The following BCL2 variants were observed in gnomAD, a reference collection of about 807,000 sequenced individuals.
BCL2 encodes BCL2 apoptosis regulator, also known as apoptosis regulator Bcl-2.
A neutral mutation model predicts 14.2 loss-of-function variants in BCL2; 1 was observed. The observed-to-expected ratio is 0.07, with a 90% CI of 0.02 to 0.33. The LOEUF is 0.33. Among genes scored for constraint, BCL2 ranks in the 10% least tolerant of loss-of-function variants. BCL2 has a pLI of 0.99. For missense variants in BCL2, 247 were observed against 305.9 expected (o/e 0.81, Z 1.44); for synonymous variants, 151 against 137.2 (o/e 1.10, Z -0.70).
At chr18:63,296,647 G>A (rs567292052) in intron 2 of BCL2, among the ~76,000 whole-genome samples, 1 of 152,232 alleles carries the variant, frequency 6.6e-6, no homozygotes, top group Non-Finnish European at 1.5e-5. Context: ...CTTAGGGCAG[G>A]CTGGCAACAG....
At chr18:63,150,792 C>T (rs1375536211) in intron 2 of BCL2, among the ~76,000 whole-genome samples, 1 of 152,036 alleles carries the variant, frequency 6.6e-6, no homozygotes, top group Non-Finnish European at 1.5e-5. Context: ...GAAAAATGTC[C>T]AGAAATATTG....
intron 2 of BCL2, among the ~76,000 whole-genome samples, chr18:63,255,675 A>G (rs1911451793): frequency 6.6e-6 from 1 of 152,084 alleles, no homozygotes; most frequent in South Asian, 2.1e-4. Context: ...TCTGTCTTGA[A>G]TTTCCCCTGT....
intron 2 of BCL2, among the ~76,000 whole-genome samples, chr18:63,165,816 G>C (rs1915030811): frequency 6.6e-6 from 1 of 152,196 alleles, no homozygotes; most frequent in South Asian, 2.1e-4. Context: ...TGGAATCTAA[G>C]CCCGAGGGGA....
intron 2 of BCL2, among the ~76,000 whole-genome samples, chr18:63,306,014 G>A (rs1913119167): frequency 6.6e-6 from 1 of 152,182 alleles, no homozygotes. Flanking sequence ...GTTCGAGGCA[G>A]CAGTGAACCG....
At position 63,124,359 on chromosome 18, in the gene BCL2, C is replaced by T. The variant is rs1396363878; in HGVS notation, c.*4266G>A. 1 of 230,826 alleles carries T rather than the reference C, an allele frequency of 4.3e-6. No homozygotes were observed. Among genetic ancestry groups the T allele is most frequent in the Non-Finnish European group, 8.6e-6 (1 of 116,550 alleles). 14.3% of individuals were successfully genotyped at this position (230,826 alleles called of 1,614,324 possible). A position where few individuals can be genotyped will look rare whatever the true frequency, so the allele number is the denominator to read the frequency against. On this transcript the variant is annotated 3_prime_UTR_variant, in exon 3 of 3. Coordinates refer to ENST00000333681, the MANE Select transcript of BCL2 (RefSeq NM_000633.3). Reference sequence around the variant, plus strand: ...TTAAATACCCATTAGACATATCCAGCTTGAAATTTATACCATTGCACTGCC... The same window carrying T: ...TTAAATACCCATTAGACATATCCAGTTTGAAATTTATACCATTGCACTGCC...
intron 2 of BCL2, among the ~76,000 whole-genome samples, chr18:63,286,216 C>T (rs1912469616): frequency 1.3e-5 from 2 of 152,212 alleles, no homozygotes; most frequent in Admixed American, 1.3e-4. Flanking sequence ...CTTAACACTT[C>T]CTTCACTAGG....
intron 2 of BCL2, among the ~76,000 whole-genome samples, chr18:63,138,817 G>A (rs1914278763): frequency 6.6e-6 from 1 of 152,264 alleles, no homozygotes. Context: ...TACCACAGTT[G>A]GTCCAGGGAA....
intron 2 of BCL2, among the ~76,000 whole-genome samples, chr18:63,158,596 A>G (rs4940571): frequency 0.11 from 16,503 of 152,130 alleles, 1,555 homozygotes; most frequent in East Asian, 0.45. Flanking sequence ...GCCTGTTCCA[A>G]CCCCAGAATC....
At chr18:63,246,195 A>G (rs1031431299) in intron 2 of BCL2, among the ~76,000 whole-genome samples, 17 of 152,202 alleles carry the variant, frequency 1.1e-4, no homozygotes, top group African/African-American at 3.6e-4. Flanking sequence ...CCCAAGTGGC[A>G]AACATATACA....
intron 2 of BCL2, among the ~76,000 whole-genome samples, chr18:63,303,082 C>A (rs2144287829): frequency 6.6e-6 from 1 of 152,262 alleles, no homozygotes; most frequent in South Asian, 2.1e-4. Context: ...ACACTAAGGT[C>A]ATGCCTAAAA....
At chr18:63,259,633 C>T (rs1911595500) in intron 2 of BCL2, among the ~76,000 whole-genome samples, 1 of 152,236 alleles carries the variant, frequency 6.6e-6, no homozygotes, top group African/African-American at 2.4e-5. Flanking sequence ...TTCCAGCCAT[C>T]CCAGTGGTTA....
chr18:63,162,858 T>C (rs1017626630), intron 2 of BCL2, among the ~76,000 whole-genome samples: 1 of 151,578 alleles, frequency 6.6e-6, no homozygotes, highest in Non-Finnish European at 1.5e-5. Context: ...CTTCCTTCCC[T>C]CCTTCCTTCC....
intron 2 of BCL2, among the ~76,000 whole-genome samples, chr18:63,261,716 CTGAA>C (rs767012193): frequency 6.6e-6 from 1 of 152,038 alleles, no homozygotes; most frequent in East Asian, 1.9e-4. Context: ...TCTTAAAAAA[CTGAA>C]TTTGTATAAT....
chr18:63,316,816 T>C (rs1454248083), intron 2 of BCL2: 1 of 152,202 alleles, frequency 6.6e-6, no homozygotes, highest in African/African-American at 2.4e-5. Context: ...CTAGGCTTTT[T>C]GCTCCTGTTA....
At chr18:63,308,674 GA>G (rs1305871019) in intron 2 of BCL2, among the ~76,000 whole-genome samples, 1 of 152,086 alleles carries the variant, frequency 6.6e-6, no homozygotes, top group East Asian at 1.9e-4. Context: ...TGAAAAGGAT[GA>G]AATCAAAACA....
chr18:63,242,972 C>A (rs1911049782), intron 2 of BCL2, among the ~76,000 whole-genome samples: 1 of 152,198 alleles, frequency 6.6e-6, no homozygotes, highest in Non-Finnish European at 1.5e-5. Context: ...AATTCCTACA[C>A]CTCAGTTACG....
At chr18:63,306,355 A>C (rs934456936) in intron 2 of BCL2, among the ~76,000 whole-genome samples, 1 of 152,130 alleles carries the variant, frequency 6.6e-6, no homozygotes, top group Admixed American at 6.5e-5. Flanking sequence ...AGAGCCTTCT[A>C]TCTGGTCACT....
intron 2 of BCL2, among the ~76,000 whole-genome samples, chr18:63,284,013 G>A (rs1214194741): frequency 6.6e-5 from 10 of 152,128 alleles, no homozygotes; most frequent in Admixed American, 5.9e-4. Context: ...ATCAAAATCC[G>A]GCTTTTGTCA....
In BCL2 at chr18:63,318,731, C is replaced by T; in HGVS notation, c.-65G>A. On this transcript the variant is annotated 5_prime_UTR_variant, in exon 2 of 3. Transcript: ENST00000333681. The surrounding 1 kb of genome is among the most constrained non-coding windows in gnomAD (Gnocchi z 7.4). ...TCGCCCCAGCTCCCACCCCACGGCC[C>T]CCAGAGAAAGAAGAGGAGTTATAAT... 6.2e-7 allele frequency: 1 copy of T among 1,603,712 alleles called. No individual in the cohort carries two copies. Among genetic ancestry groups the T allele is most frequent in the Non-Finnish European group, 8.5e-7 (1 of 1,175,288 alleles).
Sources: gnomAD v4.1 joint callset for allele counts (sites outside exome capture counted in the v4.1 genomes callset) on GRCh38, gnomAD v4.1.1 for gene constraint, Gnocchi (gnomAD v3.1) non-coding constraint, MANE v1.5 for transcripts, NCBI Gene and HGNC (gene_info 2026-07-23, HGNC 2026-07-21) for gene names.